The following EGLN3 variants were observed in gnomAD, a reference collection of about 807,000 sequenced individuals.
EGLN3 encodes the protein egl-9 family hypoxia inducible factor 3.
In EGLN3, 15 loss-of-function variants were observed where a neutral mutation model predicts 26.0. That is an observed-to-expected ratio of 0.58 (90% CI 0.39 to 0.89). The LOEUF is 0.89. Ranked by LOEUF, EGLN3 falls within the 40% of genes least tolerant of loss-of-function variation. EGLN3 has a pLI of 0.00. For missense variants in EGLN3, 238 were observed against 311.6 expected, an observed-to-expected ratio of 0.76 and a Z score of 1.78; for synonymous variants, 147 against 127.2, an observed-to-expected ratio of 1.16 and a Z score of -1.05.
intron 1 of EGLN3, among the ~76,000 whole-genome samples, chr14:33,933,354 A>G (rs751716967): frequency 2.6e-5 from 4 of 152,136 alleles, no homozygotes; most frequent in Non-Finnish European, 5.9e-5. Flanking sequence ...ACAAAAGTAA[A>G]TCCTCTACCA....
intron 1 of EGLN3, among the ~76,000 whole-genome samples, chr14:33,943,660 G>T (rs949477694): frequency 6.6e-6 from 1 of 152,204 alleles, no homozygotes. Context: ...ATGGCCCACA[G>T]GTGAGCAGCC....
chr14:33,940,342 A>G (rs547597002), intron 1 of EGLN3, among the ~76,000 whole-genome samples: 1 of 152,324 alleles, frequency 6.6e-6, no homozygotes, highest in South Asian at 2.1e-4. Context: ...ATATGCTGGT[A>G]CAAATAATAG....
intron 1 of EGLN3, among the ~76,000 whole-genome samples, chr14:33,934,492 T>C (rs1027428322): frequency 3.4e-5 from 5 of 148,822 alleles, no homozygotes; most frequent in African/African-American, 4.9e-5. Flanking sequence ...ACCTATCTCA[T>C]CAAGTCCAAA....
intron 2 of EGLN3, among the ~76,000 whole-genome samples, chr14:33,930,362 AT>A (rs896910611): frequency 6.6e-6 from 1 of 152,192 alleles, no homozygotes; most frequent in African/African-American, 2.4e-5. Flanking sequence ...CTCTGGATAA[AT>A]ATTATTGCTT....
At chr14:33,950,244 T>TG (rs1833810939) in intron 1 of EGLN3, 152 bp downstream of exon 1, 1 of 725,214 alleles carries the variant, frequency 1.4e-6, no homozygotes, top group East Asian at 2.6e-5. Context: ...GGGCGAGGGG[T>TG]GGGGGGAAGC....
intron 1 of EGLN3, among the ~76,000 whole-genome samples, chr14:33,942,161 G>A (rs2064487688): frequency 6.6e-6 from 1 of 152,064 alleles, no homozygotes; most frequent in Non-Finnish European, 1.5e-5. Flanking sequence ...TGGATTACAG[G>A]AAGAACAAGA....
In EGLN3 at chr14:33,950,831, C is replaced by T; in HGVS notation, c.-79G>A. 1 of 1,337,338 alleles carries T rather than the reference C, an allele frequency of 7.5e-7. No homozygotes were observed. Among genetic ancestry groups the T allele is most frequent in the South Asian group, 1.4e-5 (1 of 72,174 alleles). The allele number at this position is 1,337,338 out of a possible 1,614,324, so 82.8% of individuals were successfully genotyped here. On this transcript the variant is annotated 5_prime_UTR_variant, in exon 1 of 5. Transcript: ENST00000250457. ...GATCTACACGAGCGCGAAGCCGAGG[C>T]GCGGGGAGCGTGGCCCGGGGTTCAG...
chr14:33,951,002 G>C lies in EGLN3; in HGVS notation c.-250C>G. ...CGACCCGTTTCCGGACTGGCCCGGC[G>C]AGCAGTGCGGCGCAAGGAGTCGGAG... is the stretch of plus-strand genomic sequence containing the variant. On this transcript the variant is annotated 5_prime_UTR_variant, in exon 1 of 5. Coordinates refer to ENST00000250457, the MANE Select transcript of EGLN3 (RefSeq NM_022073.4). 1.9e-6 allele frequency: 1 copy of C among 530,158 alleles called. No individual in the cohort carries two copies. Among genetic ancestry groups the C allele is most frequent in the Non-Finnish European group, 3.3e-6 (1 of 300,496 alleles). 32.8% of individuals were successfully genotyped at this position (530,158 alleles called of 1,614,324 possible). A position where few individuals can be genotyped will look rare whatever the true frequency, so the allele number is the denominator to read the frequency against.
chr14:33,949,844 A>G, intron 1 of EGLN3: 1 of 173,392 alleles, frequency 5.8e-6, no homozygotes, highest in Non-Finnish European at 1.2e-5. Flanking sequence ...GCTGGGTCCC[A>G]GGGGGCAGAA....
chr14:33,940,539 A>G (rs375573207), intron 1 of EGLN3, among the ~76,000 whole-genome samples: 2 of 152,148 alleles, frequency 1.3e-5, no homozygotes, highest in East Asian at 1.9e-4. Context: ...AAACTTTAGC[A>G]TGTATGAGAT....
chr14:33,945,839 C>T (rs2064513950), intron 1 of EGLN3, among the ~76,000 whole-genome samples: 2 of 152,194 alleles, frequency 1.3e-5, no homozygotes, highest in African/African-American at 4.8e-5. Context: ...ATGTATATTC[C>T]TGACCTCACA....
intron 1 of EGLN3, among the ~76,000 whole-genome samples, chr14:33,931,709 G>A (rs1438520874): frequency 1.3e-5 from 2 of 152,182 alleles, no homozygotes; most frequent in African/African-American, 2.4e-5. Context: ...AATCACCAAA[G>A]GAGGAAAAGG....
In EGLN3 at chr14:33,939,494, G is replaced by C. The variant is rs367833655; in HGVS notation, c.358-8279C>G. Among the ~76,000 whole-genome samples, 47 of 145,034 alleles carry C rather than the reference G, an allele frequency of 3.2e-4. No individual in the cohort carries two copies. The East Asian group carries it at 5.1e-3, about 16-fold the overall frequency. ...CAAAGTGCTGGGATTGCAGGCGTGA[G>C]CCACCGCGCCCGGCCGAAACAATCT... On this transcript the variant is annotated intron_variant, in intron 1 of 4. Coordinates refer to ENST00000250457, the MANE Select transcript of EGLN3 (RefSeq NM_022073.4).
intron 1 of EGLN3, among the ~76,000 whole-genome samples, chr14:33,943,342 G>A (rs544311710): frequency 1.3e-5 from 2 of 152,216 alleles, no homozygotes; most frequent in South Asian, 4.1e-4. Context: ...TACCCACTGG[G>A]CACCCCTGGC....
intron 1 of EGLN3, chr14:33,949,841 C>G (rs2064544456): frequency 5.8e-6 from 1 of 172,896 alleles, no homozygotes. Context: ...TGTGCTGGGT[C>G]CCAGGGGGCA....
chr14:33,931,232 A>C lies in EGLN3; in HGVS notation c.358-17T>G. On this transcript the variant is annotated splice_polypyrimidine_tract_variant and intron_variant, in intron 1 of 4. Transcript: ENST00000250457. ...CACCATTGCCTATGGAGAAATCCCA[A>C]GAAAGCTGGTTAACAAAGCTGAGAC... The C allele has an allele frequency of 1.2e-6, 2 of 1,614,120 alleles. No individual in the cohort carries two copies. Among genetic ancestry groups the C allele is most frequent in the Non-Finnish European group, 1.7e-6 (2 of 1,179,980 alleles).
chr14:33,938,266 A>G (rs2064456213), intron 1 of EGLN3, among the ~76,000 whole-genome samples: 1 of 152,210 alleles, frequency 6.6e-6, no homozygotes, highest in Admixed American at 6.5e-5. Flanking sequence ...GAAGCCACTG[A>G]AAGGCTCAGA....
chr14:33,941,733 T>G (rs921084178), intron 1 of EGLN3, among the ~76,000 whole-genome samples: 2 of 152,184 alleles, frequency 1.3e-5, no homozygotes, highest in African/African-American at 4.8e-5. Flanking sequence ...AAGCACACGG[T>G]GGACAGCATA....
intron 1 of EGLN3, among the ~76,000 whole-genome samples, chr14:33,937,138 C>CTT (rs1163071449): frequency 1.3e-5 from 2 of 152,204 alleles, no homozygotes; most frequent in African/African-American, 4.8e-5. Context: ...GAAAATGTCA[C>CTT]TGCAAAAGTT....
Sources: gnomAD v4.1 joint callset for allele counts (sites outside exome capture counted in the v4.1 genomes callset) on GRCh38, gnomAD v4.1.1 for gene constraint, MANE v1.5 for transcripts, NCBI Gene and HGNC (gene_info 2026-07-23, HGNC 2026-07-21) for gene names.